Variants in SPTB observed in about 807,000 individuals in gnomAD.
The protein encoded by SPTB is spectrin beta chain, erythrocytic.
In SPTB, 45 loss-of-function variants were observed where a neutral mutation model predicts 256.2. That is an observed-to-expected ratio of 0.18 (90% CI 0.14 to 0.23). The LOEUF is 0.23. Ranked by LOEUF, SPTB falls within the 10% of genes least tolerant of loss-of-function variation. The pLI, the probability that SPTB is intolerant of heterozygous loss-of-function variation, is 1.00. For synonymous variants in SPTB, 1,231 were observed against 1,243.1 expected (o/e 0.99, Z 0.21); for missense variants, 2,715 against 3,040.4 (o/e 0.89, Z 2.52).
At chr14:64,768,888 G>C in intron 29 of SPTB, 146 bp downstream of exon 29, 1 of 755,646 alleles carries the variant, frequency 1.3e-6, no homozygotes, top group East Asian at 2.5e-5. Flanking sequence ...TGAGGCCCCT[G>C]GCCCCAGAGC....
rs775161759 is a variant in SPTB at position 64,782,335 on chromosome 14, C to G, written c.4221G>C (p.Pro1407=). 1.2e-6 allele frequency: 2 copies of G among 1,614,206 alleles called. No individual in the cohort carries two copies. Among genetic ancestry groups the G allele is most frequent in the South Asian group, 1.1e-5 (1 of 91,088 alleles). ...AMEDQLRSDD[P]GKDLTSVNRM... ...GATTGACACTGGTCAGGTCCTTGCC[C>G]GGGTCGTCTGACCGCAGCTGGTCCT... Residue 1407 remains proline, a synonymous_variant, in exon 20 of 36, where the codon CCG becomes CCC. Transcript: ENST00000644917.
Position 64,786,742 on chromosome 14 carries a change from C to A in SPTB, c.3223G>T (p.Ala1075Ser). 2 of 1,614,142 alleles carry A rather than the reference C, an allele frequency of 1.2e-6. No individual in the cohort carries two copies. The highest frequency in any genetic ancestry group is 1.7e-6 in the Non-Finnish European group (2 of 1,180,028). Residue 1075 changes from alanine to serine, a missense_variant, in exon 16 of 36, where the codon GCC (alanine) becomes TCC (serine). Physicochemically the swap from Ala to Ser is moderately conservative, Grantham distance 99. Around this residue, in one of 4 missense-constraint regions of SPTB, gnomAD observed 2,239 missense variants for 2,384.4 expected, o/e 0.94. Transcript: ENST00000644917. This position sits in a 1 kb window ranked among gnomAD's most constrained non-coding sequence, Gnocchi z 5.6. ...AFLQDLDDFQAWLSITQKAVA... is the reference protein window; with the variant it reads ...AFLQDLDDFQSWLSITQKAVA... ...GCCTTCTGGGTGATGGAGAGCCAGG[C>A]CTGGAAGTCATCCAGATCCTGCAGG...
At chr14:64,865,262 G>A (rs773113747) in intron 1 of SPTB, among the ~76,000 whole-genome samples, 3 of 151,614 alleles carry the variant, frequency 2.0e-5, no homozygotes, top group African/African-American at 4.9e-5. Context: ...AAAGAATTAC[G>A]ACTGCCAGGA....
At chr14:64,800,713 A>G (rs1362818780) in intron 8 of SPTB, 43 bp downstream of exon 8, 8 of 1,560,570 alleles carry the variant, frequency 5.1e-6, no homozygotes, top group Middle Eastern at 1.8e-4. Context: ...TGGACCTGAC[A>G]AACAGGGGAA....
chr14:64,805,285 A>T (rs2082963022), intron 2 of SPTB, among the ~76,000 whole-genome samples, 195 bp from the exon 3 acceptor site: 1 of 152,118 alleles, frequency 6.6e-6, no homozygotes, highest in Non-Finnish European at 1.5e-5. Flanking sequence ...ACCAGAACAG[A>T]GGCAATAAGG....
chr14:64,809,753 G>GC (rs1479971285), intron 2 of SPTB, among the ~76,000 whole-genome samples: 2 of 152,096 alleles, frequency 1.3e-5, no homozygotes, highest in Non-Finnish European at 2.9e-5. Flanking sequence ...AATTTGTAAG[G>GC]CCCCCAATGT....
chr14:64,846,228 C>T (rs2083690151), intron 1 of SPTB, among the ~76,000 whole-genome samples: 1 of 152,194 alleles, frequency 6.6e-6, no homozygotes, highest in African/African-American at 2.4e-5. Context: ...AAAAACTCTG[C>T]CCCAGAAGTA....
At chr14:64,879,710 C>A (rs1489755136) in intron 1 of SPTB, 82 bp downstream of exon 1, 1 of 152,596 alleles carries the variant, frequency 6.6e-6, no homozygotes, top group Admixed American at 6.5e-5. Context: ...GGGCCCAGCG[C>A]TCCTTTGAGC....
Position 64,770,937 on chromosome 14 carries a change from G to A in SPTB, c.5746C>T (p.Leu1916Phe). 1 of 1,614,104 alleles carries A rather than the reference G, an allele frequency of 6.2e-7. No homozygotes were observed. Among genetic ancestry groups the A allele is most frequent in the South Asian group, 1.1e-5 (1 of 91,084 alleles). The change falls in exon 27 of 36, where the codon CTC becomes TTC. Residue 1916 changes from leucine (L) to phenylalanine (F), a missense_variant. Physicochemically the swap from Leu to Phe is conservative, Grantham distance 22. Transcript: ENST00000644917. ...CGGATGATGCTCTCCATCCAGGAGA[G>A]GAGGTCACGGGCCATGCTGAAGAAG... ...FRFFSMARDL[L>F]SWMESIIRQI... is the part of the protein sequence containing the mutation.
intron 19 of SPTB, among the ~76,000 whole-genome samples, chr14:64,783,400 C>T (rs1012266606): frequency 2.0e-5 from 3 of 152,112 alleles, no homozygotes; most frequent in African/African-American, 7.2e-5. Context: ...TGGGATTTCG[C>T]CATGTTGGCT....
In SPTB at chr14:64,785,901, C is replaced by T; in HGVS notation, c.3612G>A (p.Glu1204=). 1.2e-6 allele frequency: 2 copies of T among 1,614,142 alleles called. No individual in the cohort carries two copies. The highest frequency in any genetic ancestry group is 8.5e-7 in the Non-Finnish European group (1 of 1,180,020). The change falls in exon 17 of 36, where the codon GAG becomes GAA. Residue 1204 remains glutamate (E), a synonymous_variant. Coordinates refer to ENST00000644917, the MANE Select transcript of SPTB (RefSeq NM_001355436.2). This position sits in a 1 kb window ranked among gnomAD's most constrained non-coding sequence, Gnocchi z 4.4. The part of the protein sequence containing the change: ...LEPPDSLEAA[E]AGIRKFEDFL... The stretch of plus-strand genomic sequence containing the variant: ...AATCCTCAAACTTCCGGATCCCAGC[C>T]TCTGCAGCTTCCAGGGAGTCTGGGG...
In SPTB at chr14:64,772,439, A is replaced by T. The variant is rs2082290694; in HGVS notation, c.5553+141T>A. 1.7e-6 allele frequency: 2 copies of T among 1,164,440 alleles called. No homozygotes were observed. The highest frequency in any genetic ancestry group is 2.6e-5 in the East Asian group (1 of 38,894). The allele number at this position is 1,164,440 out of a possible 1,614,324, so 72.1% of individuals were successfully genotyped here. Reference sequence around the variant, plus strand: ...GGAACATCTGAAAGCCACTGCTCCCAGCCCTGAGCTCCTGGCTGTCTAAGG... The same window carrying T: ...GGAACATCTGAAAGCCACTGCTCCCTGCCCTGAGCTCCTGGCTGTCTAAGG... On this transcript the variant is annotated intron_variant, in intron 26 of 35. Coordinates refer to ENST00000644917, the MANE Select transcript of SPTB (RefSeq NM_001355436.2). The surrounding 1 kb of genome is among the most constrained non-coding windows in gnomAD (Gnocchi z 5.4).
chr14:64,867,612 G>A (rs1882264069), intron 1 of SPTB, among the ~76,000 whole-genome samples: 1 of 152,186 alleles, frequency 6.6e-6, no homozygotes, highest in Non-Finnish European at 1.5e-5. Context: ...CCAGCACTTT[G>A]GGAGACCGAG....
Sources: gnomAD v4.1 joint callset for allele counts (sites outside exome capture counted in the v4.1 genomes callset) on GRCh38, gnomAD v4.1.1 for gene constraint, gnomAD v4.1.1 regional missense constraint, Gnocchi (gnomAD v3.1) non-coding constraint, MANE v1.5 for transcripts, NCBI Gene and HGNC (gene_info 2026-07-23, HGNC 2026-07-21) for gene names.